SORCS2: variants seen among roughly 807,000 people sequenced by gnomAD.
The protein encoded by SORCS2 is sortilin related VPS10 domain containing receptor 2.
A neutral mutation model predicts 141.6 loss-of-function variants in SORCS2; 100 were observed. The ratio of observed to expected loss-of-function variants is 0.71; its 90% confidence interval spans 0.60 to 0.83. The LOEUF (loss-of-function observed/expected upper bound fraction) is 0.83. Ranked by LOEUF, SORCS2 falls within the 40% of genes least tolerant of loss-of-function variation. SORCS2 has a pLI of 0.00. For synonymous variants in SORCS2, 789 were observed against 676.9 expected (o/e 1.17, Z -2.57); for missense variants, 1,646 against 1,560.2 (o/e 1.05, Z -0.93).
chr4:7,582,665 C>CAA (rs139045913), intron 3 of SORCS2, among the ~76,000 whole-genome samples: 3 of 151,646 alleles, frequency 2.0e-5, no homozygotes, highest in Admixed American at 1.3e-4. Context: ...AAACAAAAAA[C>CAA]AAAAAAAAGC....
At chr4:7,676,814 T>TCC (rs1168048140) in intron 9 of SORCS2, among the ~76,000 whole-genome samples, 8 of 107,908 alleles carry the variant, frequency 7.4e-5, no homozygotes, top group South Asian at 3.3e-4. Flanking sequence ...TCTCTCTCTC[T>TCC]CTCTCTCTCT....
At chr4:7,207,458 C>T (rs532296976) in intron 1 of SORCS2, among the ~76,000 whole-genome samples, 13 of 152,336 alleles carry the variant, frequency 8.5e-5, no homozygotes, top group Non-Finnish European at 1.5e-4. Flanking sequence ...CGTGGCCAGA[C>T]AATTCAGGCT....
At chr4:7,223,822 C>T (rs1026138793) in intron 1 of SORCS2, among the ~76,000 whole-genome samples, 2 of 152,182 alleles carry the variant, frequency 1.3e-5, no homozygotes, top group East Asian at 3.9e-4. Context: ...TTATCCACCC[C>T]TGGAATCTGA....
intron 4 of SORCS2, among the ~76,000 whole-genome samples, chr4:7,653,099 G>T (rs1464064786): frequency 6.6e-6 from 1 of 152,200 alleles, no homozygotes; most frequent in East Asian, 1.9e-4. Context: ...AAGGACAGTG[G>T]TGGTCACTGT....
At position 7,510,400 on chromosome 4, in the gene SORCS2, C is replaced by T. The variant is rs1005093137; in HGVS notation, c.549-21130C>T. ...CCAGGAGGGCGCCCTGTCCTGTCAC[C>T]CGGCCGTCAGGGAAGGGCACTCCTC... On this transcript the variant is annotated intron_variant, in intron 2 of 26. Coordinates refer to ENST00000507866, the MANE Select transcript of SORCS2 (RefSeq NM_020777.3). Among the ~76,000 whole-genome samples the T allele has an allele frequency of 3.3e-5, 5 of 152,228 alleles. No individual in the cohort carries two copies. In the East Asian group the frequency reaches 9.6e-4, roughly 29 times the overall value.
chr4:7,298,436 C>T (rs1382423826), intron 1 of SORCS2, among the ~76,000 whole-genome samples: 2 of 152,142 alleles, frequency 1.3e-5, no homozygotes, highest in African/African-American at 4.8e-5. Context: ...ACAGTGCAGA[C>T]TTTTCTGGAG....
At chr4:7,243,351 G>A (rs948058720) in intron 1 of SORCS2, among the ~76,000 whole-genome samples, 3 of 152,176 alleles carry the variant, frequency 2.0e-5, no homozygotes, top group Non-Finnish European at 4.4e-5. Context: ...CAGAGAAAGT[G>A]GTGTGATTTG....
chr4:7,648,805 A>G lies in SORCS2; in HGVS notation c.814-5329A>G, dbSNP rs959806330. ...ATGGGAGTGGACTGAGTGCCGTGGT[A>G]GAGGAAGAGAGGCTAGAAACCAGGG... On this transcript the variant is annotated intron_variant, in intron 4 of 26. Transcript: ENST00000507866. This position sits in a 1 kb window ranked among gnomAD's most constrained non-coding sequence, Gnocchi z 4.2. Among the ~76,000 whole-genome samples the G allele has an allele frequency of 6.6e-6, 1 of 151,992 alleles. No individual in the cohort carries two copies. Among genetic ancestry groups the G allele is most frequent in the Non-Finnish European group, 1.5e-5 (1 of 67,966 alleles).
chr4:7,742,269 CCA>C lies in SORCS2; in HGVS notation c.*2009_*2010del, dbSNP rs1486617638. ...ATTCTTGTCCTGCTGGCCACCCCAC[CCA>C]CACCTGTCCCTGGCCAGCAGGCCGC... On this transcript the variant is annotated 3_prime_UTR_variant, in exon 27 of 27. Transcript: ENST00000507866. The C allele has an allele frequency of 2.0e-5, 3 of 152,276 alleles. No homozygotes were observed. The highest frequency in any genetic ancestry group is 4.4e-5 in the Non-Finnish European group (3 of 68,098). 9.4% of individuals were successfully genotyped at this position (152,276 alleles called of 1,614,324 possible). A position where few individuals can be genotyped will look rare whatever the true frequency, so the allele number is the denominator to read the frequency against.
At chr4:7,578,057 T>C (rs984025922) in intron 3 of SORCS2, among the ~76,000 whole-genome samples, 2 of 152,172 alleles carry the variant, frequency 1.3e-5, no homozygotes, top group Non-Finnish European at 2.9e-5. Context: ...GGAGGCCTAG[T>C]GGGAGATGTT....
In SORCS2 at chr4:7,417,714, C is replaced by T. The variant is rs902622743; in HGVS notation, c.548+21359C>T. On this transcript the variant is annotated intron_variant, in intron 2 of 26. Coordinates refer to ENST00000507866, the MANE Select transcript of SORCS2 (RefSeq NM_020777.3). ...CCTGCTGGGCCTCGGCTTGCCCAGG[C>T]GTGCACTCCTCTGGTCCCTGCATCA... Among the ~76,000 whole-genome samples, 15 of 152,336 alleles carry T rather than the reference C, an allele frequency of 9.8e-5. No homozygotes were observed. In the East Asian group the frequency reaches 1.2e-3, roughly 12 times the overall value.
intron 1 of SORCS2, among the ~76,000 whole-genome samples, chr4:7,323,036 C>G (rs1458364700): frequency 6.6e-6 from 1 of 152,136 alleles, no homozygotes; most frequent in Non-Finnish European, 1.5e-5. Context: ...TGGGTGTTAT[C>G]ACACATAGGA....
chr4:7,543,588 C>A (rs1427031255), intron 3 of SORCS2, among the ~76,000 whole-genome samples: 1 of 150,156 alleles, frequency 6.7e-6, no homozygotes, highest in Non-Finnish European at 1.5e-5. Context: ...CTCATCCATC[C>A]ATCCATTCCA....
At chr4:7,392,600 CAA>C (rs1723935926) in intron 1 of SORCS2, among the ~76,000 whole-genome samples, 1 of 151,990 alleles carries the variant, frequency 6.6e-6, no homozygotes, top group South Asian at 2.1e-4. Flanking sequence ...TCGGGAATTC[CAA>C]AGAAGCTGAG....
intron 3 of SORCS2, among the ~76,000 whole-genome samples, chr4:7,564,350 C>T (rs1251240293): frequency 6.6e-6 from 1 of 152,212 alleles, no homozygotes; most frequent in African/African-American, 2.4e-5. Context: ...TGCCCTTCCT[C>T]TCCGGAGAGC....
intron 2 of SORCS2, among the ~76,000 whole-genome samples, chr4:7,497,365 T>C (rs1731693019): frequency 2.0e-5 from 3 of 152,206 alleles, no homozygotes; most frequent in Non-Finnish European, 4.4e-5. Context: ...TGGGATGGGA[T>C]GTGGGAGACT....
chr4:7,689,841 G>A (rs1181968457), intron 11 of SORCS2, among the ~76,000 whole-genome samples: 1 of 152,232 alleles, frequency 6.6e-6, no homozygotes, highest in Non-Finnish European at 1.5e-5. Flanking sequence ...TGAATGGATG[G>A]ATGGACAGAC....
intron 3 of SORCS2, among the ~76,000 whole-genome samples, chr4:7,540,814 A>G (rs1209605891): frequency 1.3e-5 from 2 of 152,182 alleles, no homozygotes; most frequent in African/African-American, 2.4e-5. Flanking sequence ...GTGGGGATGA[A>G]CATTACCCAC....
At chr4:7,433,943 A>G (rs746037915) in intron 2 of SORCS2, 1 of 1,613,834 alleles carries the variant, frequency 6.2e-7, no homozygotes, top group Non-Finnish European at 8.5e-7. Flanking sequence ...ATGAGCTCAG[A>G]GCTGTTGGAC....
Sources: allele counts gnomAD v4.1 joint callset (sites outside exome capture counted in the v4.1 genomes callset), GRCh38; gene constraint gnomAD v4.1.1; non-coding constraint Gnocchi (gnomAD v3.1); transcripts MANE v1.5; gene names NCBI Gene and HGNC (gene_info 2026-07-23, HGNC 2026-07-21).